Variants in CDK19 observed in about 807,000 individuals in gnomAD.
The protein encoded by CDK19 is cyclin-dependent kinase 19.
CDK19 carries 20 observed loss-of-function variants against 68.3 expected under a neutral mutation model. The observed-to-expected ratio is 0.29, with a 90% CI of 0.21 to 0.43. The LOEUF is 0.43. Ranked by LOEUF, CDK19 falls within the 20% of genes least tolerant of loss-of-function variation. The pLI is 1.00. For missense variants in CDK19, 339 were observed against 623.5 expected (o/e 0.54, Z 4.86); for synonymous variants, 221 against 222.8 (o/e 0.99, Z 0.07).
In CDK19 at chr6:110,641,956, G is replaced by C. The variant is rs577719139; in HGVS notation, c.457-3250C>G. Among the ~76,000 whole-genome samples, 4 of 152,324 alleles carry C rather than the reference G, an allele frequency of 2.6e-5. No individual in the cohort carries two copies. In the East Asian group the frequency reaches 7.7e-4, roughly 29 times the overall value. On this transcript the variant is annotated intron_variant, in intron 4 of 12. Transcript: ENST00000368911. The stretch of plus-strand genomic sequence containing the variant: ...TTTTGATGTGACAAGAGCAGTGAAT[G>C]TTTGGTGTAGAAATGCAACTGGAAA...
chr6:110,679,722 T>A (rs948380535), intron 2 of CDK19, among the ~76,000 whole-genome samples: 4 of 152,234 alleles, frequency 2.6e-5, no homozygotes, highest in African/African-American at 9.6e-5. Context: ...AAACAATCAT[T>A]TAATACTCAT....
chr6:110,800,550 C>T (rs1179454366), intron 1 of CDK19, among the ~76,000 whole-genome samples: 1 of 152,082 alleles, frequency 6.6e-6, no homozygotes, highest in Admixed American at 6.6e-5. Flanking sequence ...ATGCAAAAAT[C>T]CTCAGCAAAA....
chr6:110,800,964 A>C (rs889926609), intron 1 of CDK19, among the ~76,000 whole-genome samples: 1 of 152,150 alleles, frequency 6.6e-6, no homozygotes, highest in East Asian at 1.9e-4. Context: ...ATCAGGCAAG[A>C]GAGAGAAATG....
At chr6:110,643,594 A>AAAC (rs763723033) in intron 4 of CDK19, among the ~76,000 whole-genome samples, 5 of 152,184 alleles carry the variant, frequency 3.3e-5, no homozygotes, top group Non-Finnish European at 7.3e-5. Context: ...TGATAAGCAT[A>AAAC]AACAACAACA....
rs761820379 is a variant in CDK19 at position 110,667,583 on chromosome 6, TAAAA to T, written c.316-13_316-10del. On this transcript the variant is annotated splice_polypyrimidine_tract_variant and intron_variant, in intron 3 of 12. Transcript: ENST00000368911. ...TGAAACTTAATAATATGCTAAAAAT[TAAAA>T]AAAAACATAATAATATAGTCTTTGC... 9.1e-6 allele frequency: 13 copies of T among 1,428,808 alleles called. No individual in the cohort carries two copies. In the South Asian group the frequency reaches 1.7e-4, roughly 18 times the overall value. 88.5% of individuals were successfully genotyped at this position (1,428,808 alleles called of 1,614,324 possible). A position where few individuals can be genotyped will look rare whatever the true frequency, so the allele number is the denominator to read the frequency against.
At chr6:110,794,830 T>C (rs1781835397) in intron 1 of CDK19, among the ~76,000 whole-genome samples, 8 of 152,006 alleles carry the variant, frequency 5.3e-5, no homozygotes. Flanking sequence ...ATTCTTCCAA[T>C]AAAAATTAAG....
Position 110,614,304 on chromosome 6 carries a change from A to G in CDK19, c.*231T>C. The G allele has an allele frequency of 2.5e-6, 1 of 394,878 alleles. No individual in the cohort carries two copies. Among genetic ancestry groups the G allele is most frequent in the East Asian group, 3.6e-5 (1 of 28,030 alleles). 24.5% of individuals were successfully genotyped at this position (394,878 alleles called of 1,614,324 possible). Reference sequence around the variant, plus strand: ...GATCAGACGCTTTATCAGAGAAGTCACAATGGAACACATGCAGGGAAGGGG... The same window carrying G: ...GATCAGACGCTTTATCAGAGAAGTCGCAATGGAACACATGCAGGGAAGGGG... On this transcript the variant is annotated 3_prime_UTR_variant, in exon 13 of 13. Transcript: ENST00000368911.
At chr6:110,684,019 A>G (rs1772239036) in intron 2 of CDK19, among the ~76,000 whole-genome samples, 1 of 151,880 alleles carries the variant, frequency 6.6e-6, no homozygotes, top group Non-Finnish European at 1.5e-5. Context: ...TTAATCTTTT[A>G]TTAACATATC....
At chr6:110,618,781 C>G (rs1295743563) in intron 12 of CDK19, among the ~76,000 whole-genome samples, 1 of 151,446 alleles carries the variant, frequency 6.6e-6, no homozygotes, top group African/African-American at 2.4e-5. Context: ...CCCGCAAGAC[C>G]CTGTAAAACT....
chr6:110,655,284 T>G (rs1781236251), intron 4 of CDK19, among the ~76,000 whole-genome samples: 1 of 151,534 alleles, frequency 6.6e-6, no homozygotes, highest in Non-Finnish European at 1.5e-5. Flanking sequence ...GAGAATTGCT[T>G]GAACCCAGGA....
At chr6:110,772,932 A>G (rs1039806933) in intron 1 of CDK19, among the ~76,000 whole-genome samples, 6 of 151,184 alleles carry the variant, frequency 4.0e-5, no homozygotes, top group Admixed American at 2.0e-4. Flanking sequence ...GAAGGTCTCC[A>G]TAGCAGGGCG....
intron 2 of CDK19, among the ~76,000 whole-genome samples, chr6:110,673,391 T>C (rs972440644): frequency 6.6e-6 from 1 of 152,218 alleles, no homozygotes; most frequent in Non-Finnish European, 1.5e-5. Flanking sequence ...TTATTATGAA[T>C]AATGTTCTCT....
chr6:110,815,526 G>T (rs891140332), upstream of CDK19: 3 of 162,904 alleles, frequency 1.8e-5, no homozygotes, highest in Non-Finnish European at 4.0e-5. Flanking sequence ...GGCCTCAGCG[G>T]CCTGGGCGGT....
intron 1 of CDK19, among the ~76,000 whole-genome samples, chr6:110,758,240 A>G (rs112581643): frequency 8.5e-5 from 13 of 152,268 alleles, no homozygotes; most frequent in African/African-American, 3.1e-4. Flanking sequence ...ATGAAAAACA[A>G]TAAGAAAGGG....
At chr6:110,680,989 T>C (rs1262348482) in intron 2 of CDK19, among the ~76,000 whole-genome samples, 1 of 151,566 alleles carries the variant, frequency 6.6e-6, no homozygotes, top group Non-Finnish European at 1.5e-5. Flanking sequence ...AGAGTGAGAC[T>C]CTGTCTCAAA....
chr6:110,612,869 C>T lies in CDK19; in HGVS notation c.*1666G>A, dbSNP rs1311684165. The T allele has an allele frequency of 6.6e-6, 1 of 152,620 alleles. No individual in the cohort carries two copies. The highest frequency in any genetic ancestry group is 1.5e-5 in the Non-Finnish European group (1 of 68,046). 9.5% of individuals were successfully genotyped at this position (152,620 alleles called of 1,614,324 possible). ...AGATCAGTAAGGTCCTGGCTGGCTA[C>T]AGTATCACATCAATAGTGCAAAATG... On this transcript the variant is annotated 3_prime_UTR_variant, in exon 13 of 13. Transcript: ENST00000368911.
intron 2 of CDK19, among the ~76,000 whole-genome samples, chr6:110,695,112 G>A (rs1258692918): frequency 1.3e-5 from 2 of 151,558 alleles, no homozygotes; most frequent in African/African-American, 4.9e-5. Context: ...GTAGGACAAG[G>A]AAAGGAGAAA....
At chr6:110,740,265 C>T (rs1171179039) in intron 2 of CDK19, among the ~76,000 whole-genome samples, 1 of 152,132 alleles carries the variant, frequency 6.6e-6, no homozygotes. Context: ...GCATTTACCA[C>T]GTTTTCAACC....
chr6:110,783,094 C>G (rs1321167704), intron 1 of CDK19, among the ~76,000 whole-genome samples: 3 of 152,080 alleles, frequency 2.0e-5, no homozygotes, highest in Non-Finnish European at 4.4e-5. Flanking sequence ...TCCTTCTGGT[C>G]AGGGTAACTG....
Sources: allele counts gnomAD v4.1 joint callset (sites outside exome capture counted in the v4.1 genomes callset), GRCh38; gene constraint gnomAD v4.1.1; transcripts MANE v1.5; gene names NCBI Gene and HGNC (gene_info 2026-07-23, HGNC 2026-07-21).